KCNH8: variants seen among roughly 807,000 people sequenced by gnomAD.
KCNH8 encodes the protein voltage-gated delayed rectifier potassium channel KCNH8.
In KCNH8, 70 loss-of-function variants were observed where a neutral mutation model predicts 103.6. The ratio of observed to expected loss-of-function variants is 0.68; its 90% CI spans 0.56 to 0.82. The LOEUF (loss-of-function observed/expected upper bound fraction) is 0.82. KCNH8 is among the 40% of genes least tolerant of loss of function. KCNH8 has a pLI of 0.00. For missense variants in KCNH8, 1,217 were observed against 1,329.9 expected, an observed-to-expected ratio of 0.92 and a Z score of 1.32; for synonymous variants, 498 against 489.4, an observed-to-expected ratio of 1.02 and a Z score of -0.23.
At chr3:19,409,778 C>A (rs987989833) in intron 7 of KCNH8, among the ~76,000 whole-genome samples, 2 of 151,986 alleles carry the variant, frequency 1.3e-5, no homozygotes, top group African/African-American at 2.4e-5. Context: ...AAGCACATTA[C>A]AACATTACAT....
chr3:19,228,420 T>C (rs539243330), intron 1 of KCNH8, among the ~76,000 whole-genome samples: 1 of 152,324 alleles, frequency 6.6e-6, no homozygotes, highest in South Asian at 2.1e-4. Flanking sequence ...GTGCCAGGCT[T>C]ATATTGAGCA....
At chr3:19,187,604 A>G (rs989115170) in intron 1 of KCNH8, among the ~76,000 whole-genome samples, 1 of 152,076 alleles carries the variant, frequency 6.6e-6, no homozygotes, top group African/African-American at 2.4e-5. Context: ...TGGTTTACCA[A>G]ACTCACATGG....
At chr3:19,503,844 G>T (rs904367993) in intron 11 of KCNH8, among the ~76,000 whole-genome samples, 1 of 151,646 alleles carries the variant, frequency 6.6e-6, no homozygotes, top group African/African-American at 2.4e-5. Context: ...CGAGTTAGTG[G>T]GTGCAGCGCA....
chr3:19,291,699 G>T lies in KCNH8; in HGVS notation c.442+10370G>T, dbSNP rs553005323. 2.0e-5 allele frequency among the ~76,000 whole-genome samples: 3 copies of T among 152,266 alleles called. No individual in the cohort carries two copies. In the South Asian group the frequency reaches 6.2e-4, roughly 32 times the overall value. Reference sequence around the variant, plus strand: ...AATTTTGGAATAGGTGTGGTGTGGTGCTGAAAAGAATGTATATTCTGTTGA... The same window carrying T: ...AATTTTGGAATAGGTGTGGTGTGGTTCTGAAAAGAATGTATATTCTGTTGA... On this transcript the variant is annotated intron_variant, in intron 3 of 15. Coordinates refer to ENST00000328405, the MANE Select transcript of KCNH8 (RefSeq NM_144633.3).
At chr3:19,449,172 A>G (rs1196788090) in intron 8 of KCNH8, among the ~76,000 whole-genome samples, 1 of 151,896 alleles carries the variant, frequency 6.6e-6, no homozygotes, top group African/African-American at 2.4e-5. Flanking sequence ...CTGGTGAACA[A>G]AATTGTTCAT....
intron 11 of KCNH8, among the ~76,000 whole-genome samples, chr3:19,462,777 C>G (rs1444387497): frequency 6.6e-6 from 1 of 152,106 alleles, no homozygotes; most frequent in Non-Finnish European, 1.5e-5. Flanking sequence ...GGTTTTAGGT[C>G]TAACATTTAA....
At chr3:19,155,176 A>C (rs1359816768) in intron 1 of KCNH8, among the ~76,000 whole-genome samples, 1 of 152,116 alleles carries the variant, frequency 6.6e-6, no homozygotes, top group Non-Finnish European at 1.5e-5. Flanking sequence ...TTTGAAACCT[A>C]TTTGTTTTCT....
chr3:19,430,012 G>C (rs1242094460), intron 7 of KCNH8, among the ~76,000 whole-genome samples: 5 of 152,116 alleles, frequency 3.3e-5, no homozygotes. Flanking sequence ...TGTGAATAGT[G>C]CTGCAATGAA....
intron 1 of KCNH8, among the ~76,000 whole-genome samples, chr3:19,224,299 A>G (rs569853073): frequency 6.6e-6 from 1 of 152,268 alleles, no homozygotes; most frequent in South Asian, 2.1e-4. Flanking sequence ...TTCAATTATT[A>G]TGTTTTTGGA....
Position 19,204,739 on chromosome 3 carries a change from A to G in KCNH8, c.77-48915A>G, listed in dbSNP as rs532461838. On this transcript the variant is annotated intron_variant, in intron 1 of 15. Transcript: ENST00000328405. ...AATCCAAACAATGCAGAAAATTATT[A>G]TACACCAGCCTAGAGCAACTCCCCA... 2.6e-5 allele frequency among the ~76,000 whole-genome samples: 4 copies of G among 152,240 alleles called. No homozygotes were observed. The South Asian group carries it at 6.2e-4, about 24-fold the overall frequency.
chr3:19,416,847 G>C (rs953174532), intron 7 of KCNH8, among the ~76,000 whole-genome samples: 1 of 152,188 alleles, frequency 6.6e-6, no homozygotes, highest in South Asian at 2.1e-4. Context: ...ACTTTTTAAA[G>C]CTTAAGTTTC....
rs376612521 is a variant in KCNH8 at position 19,377,353 on chromosome 3, G to T, written c.812-13128G>T. Among the ~76,000 whole-genome samples, 12 of 152,284 alleles carry T rather than the reference G, an allele frequency of 7.9e-5. No individual in the cohort carries two copies. The South Asian group carries it at 1.7e-3, about 21-fold the overall frequency. The stretch of plus-strand genomic sequence containing the variant: ...GCATTGAGTGGATTTGTGCACATTT[G>T]TTGGAGAGGTGAGAACACATGGTCA... On this transcript the variant is annotated intron_variant, in intron 5 of 15. Coordinates refer to ENST00000328405, the MANE Select transcript of KCNH8 (RefSeq NM_144633.3).
intron 11 of KCNH8, among the ~76,000 whole-genome samples, chr3:19,489,094 C>T (rs1285522476): frequency 1.3e-5 from 2 of 152,102 alleles, no homozygotes; most frequent in East Asian, 1.9e-4. Context: ...AGTCTTAGGC[C>T]GTAAGCAAGC....
intron 11 of KCNH8, among the ~76,000 whole-genome samples, chr3:19,463,650 T>C (rs555567802): frequency 2.0e-5 from 3 of 152,322 alleles, no homozygotes; most frequent in African/African-American, 7.2e-5. Context: ...TGGTGGAGAA[T>C]ATAGTCTTGT....
At chr3:19,236,453 G>C (rs760226849) in intron 1 of KCNH8, among the ~76,000 whole-genome samples, 3 of 152,142 alleles carry the variant, frequency 2.0e-5, no homozygotes, top group Non-Finnish European at 2.9e-5. Flanking sequence ...TGTCTTTCAC[G>C]GGGAGGGAAG....
At chr3:19,450,652 C>A in intron 9 of KCNH8, 1 of 307,568 alleles carries the variant, frequency 3.3e-6, no homozygotes, top group Non-Finnish European at 6.1e-6. Flanking sequence ...CCCTTAACAT[C>A]AATAAAGTTA....
In KCNH8 at chr3:19,380,019, T is replaced by C. The variant is rs1224751547; in HGVS notation, c.812-10462T>C. Among the ~76,000 whole-genome samples the C allele has an allele frequency of 2.0e-5, 3 of 152,312 alleles. No homozygotes were observed. The East Asian group carries it at 5.8e-4, about 29-fold the overall frequency. On this transcript the variant is annotated intron_variant, in intron 5 of 15. Coordinates refer to ENST00000328405, the MANE Select transcript of KCNH8 (RefSeq NM_144633.3). ...ACAAATAGCTGTGTTTATATAAAGT[T>C]TTGCTTATTAATCCTTATATCAACA...
chr3:19,499,544 G>C (rs2068527743), intron 11 of KCNH8, among the ~76,000 whole-genome samples: 1 of 152,174 alleles, frequency 6.6e-6, no homozygotes, highest in Non-Finnish European at 1.5e-5. Context: ...CAGACAGAAA[G>C]GTCGGGTTAC....
At chr3:19,331,538 G>C (rs541162318) in intron 3 of KCNH8, among the ~76,000 whole-genome samples, 1 of 151,914 alleles carries the variant, frequency 6.6e-6, no homozygotes, top group African/African-American at 2.4e-5. Context: ...TGATCTGCCC[G>C]CCTCGGCCTC....
Sources: gnomAD v4.1 joint callset for allele counts (sites outside exome capture counted in the v4.1 genomes callset) on GRCh38, gnomAD v4.1.1 for gene constraint, MANE v1.5 for transcripts, NCBI Gene and HGNC (gene_info 2026-07-23, HGNC 2026-07-21) for gene names.